Variants in ZSWIM4 observed in about 807,000 individuals in gnomAD.
ZSWIM4 encodes the protein zinc finger SWIM domain-containing protein 4.
In ZSWIM4, 62 loss-of-function variants were observed where a neutral mutation model predicts 102.5. That is an observed-to-expected ratio of 0.60 (90% CI 0.49 to 0.75). The LOEUF (loss-of-function observed/expected upper bound fraction) is 0.75, where lower values mean the gene tolerates loss of function less well. ZSWIM4 is among the 30% of genes least tolerant of loss of function. The pLI, the probability that ZSWIM4 is intolerant of heterozygous loss-of-function variation, is 0.00. For synonymous variants in ZSWIM4, 652 were observed against 674.5 expected (o/e 0.97, Z 0.52); for missense variants, 1,280 against 1,529.6 (o/e 0.84, Z 2.72).
chr19:13,815,888 A>T (rs983471824), intron 7 of ZSWIM4, among the ~76,000 whole-genome samples: 4 of 151,506 alleles, frequency 2.6e-5, no homozygotes, highest in Non-Finnish European at 5.9e-5. Context: ...GGTTGCAGTG[A>T]GCCAAGATTA....
chr19:13,827,603 A>AAG (rs1975644813), intron 12 of ZSWIM4, among the ~76,000 whole-genome samples: 1 of 143,764 alleles, frequency 7.0e-6, no homozygotes, highest in African/African-American at 2.9e-5. Flanking sequence ...AAAAAAAAAA[A>AAG]AAAAGAAAAG....
intron 2 of ZSWIM4, among the ~76,000 whole-genome samples, chr19:13,800,662 C>T (rs1204308093): frequency 6.6e-6 from 1 of 152,200 alleles, no homozygotes. Flanking sequence ...CCACCTCGGC[C>T]TCCCAAAGTG....
At chr19:13,800,046 C>T in intron 2 of ZSWIM4, 125 bp downstream of exon 2, 4 of 785,532 alleles carry the variant, frequency 5.1e-6, no homozygotes, top group Non-Finnish European at 7.8e-6. Context: ...GCTTCGAGGC[C>T]CAGATAGGAT....
chr19:13,806,712 G>A (rs1974929296), intron 3 of ZSWIM4, among the ~76,000 whole-genome samples: 2 of 151,960 alleles, frequency 1.3e-5, no homozygotes, highest in African/African-American at 4.8e-5. Context: ...GTGGTGATTG[G>A]AGGTGAGGAT....
At chr19:13,812,541 C>T (rs561284939) in intron 5 of ZSWIM4, among the ~76,000 whole-genome samples, 3 of 150,968 alleles carry the variant, frequency 2.0e-5, no homozygotes, top group South Asian at 2.1e-4. Flanking sequence ...CTCCCTGCAA[C>T]CTCCACCTCC....
Position 13,830,584 on chromosome 19 carries a change from C to G in ZSWIM4, c.2855C>G (p.Ala952Gly). The G allele has an allele frequency of 6.3e-7, 1 of 1,599,872 alleles. No individual in the cohort carries two copies. Among genetic ancestry groups the G allele is most frequent in the East Asian group, 2.2e-5 (1 of 44,870 alleles). The change falls in exon 14 of 14, where the codon GCC (alanine) becomes GGC (glycine). Residue 952 changes from alanine (A) to glycine (G), a missense_variant. Ala to Gly is a moderately conservative substitution (Grantham distance 60). Coordinates refer to ENST00000590508, the MANE Select transcript of ZSWIM4 (RefSeq NM_001367834.3). ...ATLALAQLSI[A>G]FNQDSHPAVN... ...CTGGCCCTGGCGCAGCTCAGCATCGCCTTCAACCAGGACAGCCACCCTGCC... is the reference window on the plus strand; with the variant it reads ...CTGGCCCTGGCGCAGCTCAGCATCGGCTTCAACCAGGACAGCCACCCTGCC...
At chr19:13,796,933 A>C (rs1003338750) in intron 1 of ZSWIM4, 4 of 152,184 alleles carry the variant, frequency 2.6e-5, no homozygotes, top group African/African-American at 9.7e-5. Context: ...GCTCTGATTC[A>C]TGGACTGGAA....
intron 5 of ZSWIM4, among the ~76,000 whole-genome samples, chr19:13,810,756 C>T (rs1263592346): frequency 1.3e-5 from 2 of 151,450 alleles, no homozygotes; most frequent in Non-Finnish European, 2.9e-5. Context: ...ACTACAGAGG[C>T]CCACCACCAC....
intron 6 of ZSWIM4, 23 bp downstream of exon 6, chr19:13,813,187 A>C (rs754717412): frequency 1.3e-6 from 2 of 1,582,544 alleles, no homozygotes; most frequent in Non-Finnish European, 1.7e-6. Flanking sequence ...GGTCTTTACC[A>C]TGCCCCCCAA....
At chr19:13,822,109 A>G (rs1305654436) in intron 10 of ZSWIM4, among the ~76,000 whole-genome samples, 1 of 151,488 alleles carries the variant, frequency 6.6e-6, no homozygotes, top group Non-Finnish European at 1.5e-5. Flanking sequence ...CCTGGCCTCA[A>G]GCGACCCTCT....
In ZSWIM4 at chr19:13,825,602, C is replaced by T. The variant is rs1012885701; in HGVS notation, c.2268C>T (p.His756=). 5.6e-6 allele frequency: 9 copies of T among 1,614,114 alleles called. 1 individual carries two copies. In the Admixed American group the frequency reaches 8.3e-5, roughly 15 times the overall value. The change falls in exon 12 of 14, where the codon CAC becomes CAT. Residue 756 remains histidine, a synonymous_variant. Transcript: ENST00000590508. This position sits in a 1 kb window ranked among gnomAD's most constrained non-coding sequence, Gnocchi z 4.6. ...TVLGSIQQNI[H]SPALLFKLAQ... is the part of the protein sequence containing the mutation. The stretch of plus-strand genomic sequence containing the variant: ...TGGGCTCCATCCAGCAGAACATCCA[C>T]TCTCCGGCCCTGCTCTTTAAGCTGG...
At chr19:13,810,537 C>T (rs1410428604) in intron 5 of ZSWIM4, among the ~76,000 whole-genome samples, 2 of 151,924 alleles carry the variant, frequency 1.3e-5, no homozygotes, top group South Asian at 2.1e-4. Flanking sequence ...GTGATCCACC[C>T]GCCTCAGCCT....
intron 12 of ZSWIM4, 124 bp from the exon 13 acceptor site, chr19:13,828,521 T>A: frequency 1.4e-6 from 1 of 696,402 alleles, no homozygotes; most frequent in Non-Finnish European, 2.5e-6. Flanking sequence ...TGAGATCACT[T>A]ACCCGGGTTC....
chr19:13,819,477 C>A lies in ZSWIM4; in HGVS notation c.2045C>A (p.Ala682Glu). Residue 682 changes from alanine (A) to glutamate (E), a missense_variant, in exon 10 of 14, where the codon GCG becomes GAG. Coordinates refer to ENST00000590508, the MANE Select transcript of ZSWIM4 (RefSeq NM_001367834.3). Reference sequence around the variant, plus strand: ...GACCCGGACCTGGCCTATCGCCTCGCGCTGCGAGCTATGAGGTGAGGATAG... The same window carrying A: ...GACCCGGACCTGGCCTATCGCCTCGAGCTGCGAGCTATGAGGTGAGGATAG... ...PHDPDLAYRL[A>E]LRAMRLPILE... is the part of the protein sequence containing the mutation. 6.2e-7 allele frequency: 1 copy of A among 1,602,330 alleles called. No homozygotes were observed. The highest frequency in any genetic ancestry group is 8.5e-7 in the Non-Finnish European group (1 of 1,174,536).
In ZSWIM4 at chr19:13,795,708, T is replaced by A. The variant is rs1974591029; in HGVS notation, c.60T>A (p.Asp20Glu). ...RGCPAGPEER[D>E]AGAGAARGRG... ...GCCCCGCGGGACCCGAGGAGCGCGA[T>A]GCCGGGGCCGGGGCCGCGCGTGGCC... Residue 20 changes from aspartate to glutamate, a missense_variant, in exon 1 of 14, where the codon GAT (aspartate) becomes GAA (glutamate). Coordinates refer to ENST00000590508, the MANE Select transcript of ZSWIM4 (RefSeq NM_001367834.3). 5 of 1,184,910 alleles carry A rather than the reference T, an allele frequency of 4.2e-6. No individual in the cohort carries two copies. In the East Asian group the frequency reaches 1.7e-4, roughly 40 times the overall value. The allele number at this position is 1,184,910 out of a possible 1,614,324, so 73.4% of individuals were successfully genotyped here.
At chr19:13,815,962 A>AAGAG (rs61398620) in intron 7 of ZSWIM4, among the ~76,000 whole-genome samples, 3,591 of 147,484 alleles carry the variant, frequency 0.024, 170 homozygotes, top group African/African-American at 0.088. Context: ...AAAAAAAAAA[A>AAGAG]AGAGAGAGAG....
intron 2 of ZSWIM4, among the ~76,000 whole-genome samples, 196 bp from the exon 3 acceptor site, chr19:13,804,580 GAGGTTGCAGTGAGCCC>G (rs1828397904): frequency 6.6e-6 from 1 of 152,042 alleles, no homozygotes; most frequent in Admixed American, 6.6e-5. Flanking sequence ...CTGGGAGGCG[GAGGTTGCAGTGAGCCC>G]AGGTCGCAGC....
At position 13,805,046 on chromosome 19, in the gene ZSWIM4, G is replaced by T; in HGVS notation, c.610G>T (p.Val204Leu). The change falls in exon 3 of 14, where the codon GTG becomes TTG. Residue 204 changes from valine to leucine, a missense_variant. Transcript: ENST00000590508. ...QMNRDQLQKF[V>L]QYLISAHHTE... ...GAACCGGGACCAGCTGCAGAAGTTC[G>T]TGCAGTACCTCATCAGCGCCCATCA... 6.2e-7 allele frequency: 1 copy of T among 1,610,670 alleles called. No individual in the cohort carries two copies. The highest frequency in any genetic ancestry group is 8.5e-7 in the Non-Finnish European group (1 of 1,180,014).
At position 13,813,054 on chromosome 19, in the gene ZSWIM4, G is replaced by T; in HGVS notation, c.1070G>T (p.Gly357Val). 6.2e-7 allele frequency: 1 copy of T among 1,613,934 alleles called. No homozygotes were observed. Among genetic ancestry groups the T allele is most frequent in the Non-Finnish European group, 8.5e-7 (1 of 1,179,992 alleles). ...CACTGCAAACCAGAGGAAAGGGCAG[G>T]CTGGCTCCAGCTACTCAGCAGGTGG... is the stretch of plus-strand genomic sequence containing the variant. ...SPHCKPEERAGWLQLLSRWDK... is the reference protein window; with the variant it reads ...SPHCKPEERAVWLQLLSRWDK... The change falls in exon 6 of 14, where the codon GGC (glycine) becomes GTC (valine). Residue 357 changes from glycine (G) to valine (V), a missense_variant. Coordinates refer to ENST00000590508, the MANE Select transcript of ZSWIM4 (RefSeq NM_001367834.3).
Sources: allele counts gnomAD v4.1 joint callset (sites outside exome capture counted in the v4.1 genomes callset), GRCh38; gene constraint gnomAD v4.1.1; non-coding constraint Gnocchi (gnomAD v3.1); transcripts MANE v1.5; gene names NCBI Gene and HGNC (gene_info 2026-07-23, HGNC 2026-07-21).